The following SEMA6D variants were observed in gnomAD, a reference collection of about 807,000 sequenced individuals.
SEMA6D encodes the protein semaphorin 6D.
SEMA6D carries 35 observed loss-of-function variants against 106.6 expected under a neutral mutation model. The ratio of observed to expected loss-of-function variants is 0.33; its 90% confidence interval spans 0.25 to 0.44. The LOEUF (loss-of-function observed/expected upper bound fraction) is 0.44. Ranked by LOEUF, SEMA6D falls within the 20% of genes least tolerant of loss-of-function variation. The probability of loss-of-function intolerance (pLI) is 1.00; values close to 1 mark genes in which losing one functional copy is unlikely to be tolerated. For synonymous variants in SEMA6D, 499 were observed against 487.7 expected (o/e 1.02, Z -0.31); for missense variants, 1,185 against 1,345.9 (o/e 0.88, Z 1.87).
intron 1 of SEMA6D, among the ~76,000 whole-genome samples, chr15:47,383,262 C>T (rs761344624): frequency 2.0e-4 from 30 of 152,164 alleles, no homozygotes; most frequent in Non-Finnish European, 4.1e-4. Context: ...TGCCTCAGCT[C>T]GTCTGGGAAG....
intron 3 of SEMA6D, among the ~76,000 whole-genome samples, chr15:47,481,060 TTA>T (rs1217766205): frequency 6.6e-6 from 1 of 152,196 alleles, no homozygotes; most frequent in East Asian, 1.9e-4. Context: ...CCCCAAGGAA[TTA>T]TCTAGCATTA....
At chr15:47,429,936 G>T (rs1428026002) in intron 2 of SEMA6D, among the ~76,000 whole-genome samples, 1 of 152,002 alleles carries the variant, frequency 6.6e-6, no homozygotes, top group East Asian at 1.9e-4. Flanking sequence ...TTTAAATGAT[G>T]TAACACAGAC....
chr15:47,245,677 A>T (rs1360032969), intron 1 of SEMA6D, among the ~76,000 whole-genome samples: 2 of 152,216 alleles, frequency 1.3e-5, no homozygotes, highest in Non-Finnish European at 2.9e-5. Context: ...CTGCATGCTA[A>T]GCATGGAGTA....
At position 47,252,065 on chromosome 15, in the gene SEMA6D, G is replaced by A. The variant is rs566371171; in HGVS notation, c.-239+67647G>A. Among the ~76,000 whole-genome samples, 479 of 148,968 alleles carry A rather than the reference G, an allele frequency of 3.2e-3. 14 individuals carry two copies. Among genetic ancestry groups the A allele is most frequent in the Non-Finnish European group, 4.5e-3 (303 of 67,386 alleles). On this transcript the variant is annotated intron_variant, in intron 1 of 19. Coordinates refer to the SEMA6D transcript ENST00000558014. ...CGAGTAGCTGGGACTACAGGCGCCC[G>A]CTACCACGCCCGGCTAATTTTTTGT...
At chr15:47,727,423 C>T (rs2079828417) in intron 1 of SEMA6D, among the ~76,000 whole-genome samples, 1 of 152,132 alleles carries the variant, frequency 6.6e-6, no homozygotes, top group Admixed American at 6.6e-5. Context: ...CTAGTGTAGC[C>T]AGAGCTCCTC....
chr15:47,225,519 GTTTTTTTTTTTTT>G (rs71118160), intron 1 of SEMA6D, among the ~76,000 whole-genome samples: 11 of 92,382 alleles, frequency 1.2e-4, no homozygotes, highest in East Asian at 2.5e-4. Context: ...CTTGTTGAGG[GTTTTTTTTTTTTT>G]TTTTTTTTTT....
intron 3 of SEMA6D, among the ~76,000 whole-genome samples, chr15:47,552,736 C>T (rs2045742866): frequency 7.7e-6 from 1 of 130,352 alleles, no homozygotes. Context: ...CACAAAATTA[C>T]AAGTAGAAGA....
intron 3 of SEMA6D, among the ~76,000 whole-genome samples, chr15:47,576,018 C>T (rs960013825): frequency 6.6e-6 from 1 of 152,022 alleles, no homozygotes; most frequent in Admixed American, 6.6e-5. Flanking sequence ...ATTTGCATTA[C>T]AAAATATTTT....
At chr15:47,219,016 T>A (rs960450801) in intron 1 of SEMA6D, among the ~76,000 whole-genome samples, 7 of 152,256 alleles carry the variant, frequency 4.6e-5, no homozygotes, top group African/African-American at 1.4e-4. Flanking sequence ...AGCTGTTCTT[T>A]ATATTTTTCT....
chr15:47,217,207 A>G (rs1005234764), intron 1 of SEMA6D, among the ~76,000 whole-genome samples: 6 of 152,196 alleles, frequency 3.9e-5, no homozygotes, highest in Middle Eastern at 3.2e-3. Flanking sequence ...ACTAAGACAG[A>G]AGCCATGTCA....
chr15:47,407,698 C>G (rs1443564372), intron 1 of SEMA6D, among the ~76,000 whole-genome samples: 1 of 152,068 alleles, frequency 6.6e-6, no homozygotes, highest in South Asian at 2.1e-4. Context: ...TGGGAGGTGC[C>G]CTTTAAAAGT....
At chr15:47,398,877 A>G (rs973116312) in intron 1 of SEMA6D, among the ~76,000 whole-genome samples, 1 of 152,110 alleles carries the variant, frequency 6.6e-6, no homozygotes, top group Non-Finnish European at 1.5e-5. Context: ...ATGGGAAGGA[A>G]CACCGGCTCA....
At chr15:47,767,681 C>T (rs1014045061) in intron 17 of SEMA6D, among the ~76,000 whole-genome samples, 24 of 152,094 alleles carry the variant, frequency 1.6e-4, no homozygotes, top group African/African-American at 5.6e-4. Flanking sequence ...TTGGAGCCTC[C>T]TTCTGTTAAC....
intron 1 of SEMA6D, among the ~76,000 whole-genome samples, chr15:47,751,653 C>G (rs900067152): frequency 2.6e-5 from 4 of 152,154 alleles, no homozygotes; most frequent in African/African-American, 9.7e-5. Flanking sequence ...GTCTGCTGCC[C>G]TCTCTTGTTT....
chr15:47,759,824 A>T lies in SEMA6D; in HGVS notation c.26A>T (p.Tyr9Phe). MRVFLLCA[Y>F]ILLLMVSQLR... ...ATGAGGGTCTTCCTGCTTTGTGCCT[A>T]CATACTGCTGCTGATGGTTTCCCAG... The change falls in exon 2 of 19, where the codon TAC (tyrosine) becomes TTC (phenylalanine). Residue 9 changes from tyrosine to phenylalanine, a missense_variant. Transcript: ENST00000536845. 2 of 1,613,764 alleles carry T rather than the reference A, an allele frequency of 1.2e-6. No individual in the cohort carries two copies. Among genetic ancestry groups the T allele is most frequent in the Non-Finnish European group, 1.7e-6 (2 of 1,179,712 alleles).
chr15:47,645,511 T>TTTCTTC (rs904331592), intron 4 of SEMA6D, among the ~76,000 whole-genome samples: 10 of 151,914 alleles, frequency 6.6e-5, no homozygotes, highest in Non-Finnish European at 1.3e-4. Flanking sequence ...GAGTTTTTTT[T>TTTCTTC]TTCTTCTTCT....
chr15:47,293,394 A>G (rs928680629), intron 1 of SEMA6D, among the ~76,000 whole-genome samples: 3 of 151,996 alleles, frequency 2.0e-5, no homozygotes, highest in African/African-American at 7.3e-5. Context: ...TGCCTTTACA[A>G]TTGTGCGTTG....
intron 3 of SEMA6D, among the ~76,000 whole-genome samples, chr15:47,476,667 A>C (rs2043010263): frequency 6.6e-6 from 1 of 152,082 alleles, no homozygotes; most frequent in Non-Finnish European, 1.5e-5. Context: ...TGAATATATA[A>C]AGCAGTGCTG....
chr15:47,314,015 A>G (rs181416665), intron 1 of SEMA6D, among the ~76,000 whole-genome samples: 5 of 152,302 alleles, frequency 3.3e-5, no homozygotes, highest in African/African-American at 1.2e-4. Context: ...AGAAACTGTC[A>G]AACTGTCTTT....
Sources: allele counts gnomAD v4.1 joint callset (sites outside exome capture counted in the v4.1 genomes callset), GRCh38; gene constraint gnomAD v4.1.1; transcripts MANE v1.5; gene names NCBI Gene and HGNC (gene_info 2026-07-23, HGNC 2026-07-21).